Variants in REV3L observed in about 807,000 individuals in gnomAD.
REV3L encodes the protein DNA polymerase zeta catalytic subunit.
A neutral mutation model predicts 299.4 loss-of-function variants in REV3L; 69 were observed. The observed-to-expected ratio is 0.23, with a 90% CI of 0.19 to 0.28. REV3L has a LOEUF of 0.28. Among genes scored for constraint, REV3L ranks in the 10% least tolerant of loss-of-function variants. REV3L has a pLI of 1.00. For synonymous variants in REV3L, 1,238 were observed against 1,271.4 expected (o/e 0.97, Z 0.56); for missense variants, 3,128 against 3,693.8 (o/e 0.85, Z 3.97).
Position 111,311,100 on chromosome 6 carries a change from C to T in REV3L, c.8764G>A (p.Gly2922Arg), listed in dbSNP as rs777691922. Residue 2922 changes from glycine to arginine, a missense_variant, in exon 29 of 32, where the codon GGA becomes AGA. By Grantham distance (125) the Gly-to-Arg change is moderately radical (BLOSUM62 -2). Around this residue, in one of 9 missense-constraint regions of REV3L, gnomAD observed 294 missense variants for 377.0 expected, o/e 0.78. Transcript: ENST00000368802. Reference sequence around the variant, plus strand: ...AGTTCAAGGGCTGGCACACAAGCTCCTGGTTTATAAGAAAAACTTCCTCTG... The same window carrying T: ...AGTTCAAGGGCTGGCACACAAGCTCTTGGTTTATAAGAAAAACTTCCTCTG... ...EYRGSFSYKP[G>R]ACVPALELTR... 1.2e-6 allele frequency: 2 copies of T among 1,613,716 alleles called. No individual in the cohort carries two copies. The highest frequency in any genetic ancestry group is 3.3e-5 in the Admixed American group (2 of 59,932).
At chr6:111,310,859 A>G (rs1049385943) in intron 29 of REV3L, 5 of 418,516 alleles carry the variant, frequency 1.2e-5, no homozygotes, top group Middle Eastern at 5.9e-4. Flanking sequence ...ATTTCTTTGC[A>G]TAAGTTTCTG....
intron 31 of REV3L, among the ~76,000 whole-genome samples, chr6:111,304,721 A>G (rs1325653153): frequency 6.6e-6 from 1 of 151,648 alleles, no homozygotes; most frequent in African/African-American, 2.4e-5. Context: ...CCATGCAGTA[A>G]ATGTAGTATC....
chr6:111,400,409 CG>C (rs1782966036), intron 4 of REV3L, among the ~76,000 whole-genome samples: 1 of 152,124 alleles, frequency 6.6e-6, no homozygotes, highest in Admixed American at 6.6e-5. Context: ...GTTAGTCTTG[CG>C]AATTGTAGTC....
intron 1 of REV3L, among the ~76,000 whole-genome samples, chr6:111,444,475 A>G (rs1788614942): frequency 6.6e-6 from 1 of 152,222 alleles, no homozygotes; most frequent in Non-Finnish European, 1.5e-5. Context: ...AATACACTTA[A>G]CCACAAATGA....
chr6:111,304,492 A>G (rs1470683411), intron 31 of REV3L, among the ~76,000 whole-genome samples: 1 of 152,196 alleles, frequency 6.6e-6, no homozygotes, highest in Non-Finnish European at 1.5e-5. Context: ...TGCTTCATTA[A>G]AAATTTCTAC....
At chr6:111,364,035 T>C in intron 15 of REV3L, 57 bp from the exon 16 acceptor site, 3 of 1,562,506 alleles carry the variant, frequency 1.9e-6, no homozygotes, top group Non-Finnish European at 8.6e-7. Flanking sequence ...GCAATCATTT[T>C]TCTTTTGATT....
At chr6:111,413,081 T>C (rs898527837) in intron 2 of REV3L, among the ~76,000 whole-genome samples, 1 of 152,200 alleles carries the variant, frequency 6.6e-6, no homozygotes, top group Non-Finnish European at 1.5e-5. Context: ...CTGTATACCC[T>C]ATTTTGTTGC....
chr6:111,378,205 T>G (rs996185671), intron 11 of REV3L, among the ~76,000 whole-genome samples: 2 of 152,128 alleles, frequency 1.3e-5, no homozygotes, highest in Admixed American at 1.3e-4. Flanking sequence ...GAGAAAATGC[T>G]GAAGAAGAGA....
At chr6:111,387,462 G>C (rs1382573220) in intron 9 of REV3L, among the ~76,000 whole-genome samples, 1 of 152,096 alleles carries the variant, frequency 6.6e-6, no homozygotes, top group African/African-American at 2.4e-5. Flanking sequence ...AAAGCAAGTT[G>C]CTTCATCTAC....
In REV3L at chr6:111,376,472, G is replaced by C. The variant is rs550280492; in HGVS notation, c.1883C>G (p.Pro628Arg). 6.2e-7 allele frequency: 1 copy of C among 1,613,704 alleles called. No individual in the cohort carries two copies. The highest frequency in any genetic ancestry group is 1.3e-5 in the African/African-American group (1 of 75,024). ...ATGAACAGTACTGCTTAAAGATCCAGGGTATTTCATAGAATAAGTGCTTTC... is the reference window on the plus strand; with the variant it reads ...ATGAACAGTACTGCTTAAAGATCCACGGTATTTCATAGAATAAGTGCTTTC... ...TNESTYSMKYPGSLSSTVHSE... is the reference protein window; with the variant it reads ...TNESTYSMKYRGSLSSTVHSE... Residue 628 changes from proline to arginine, a missense_variant, in exon 13 of 32, where the codon CCT becomes CGT. Physicochemically the swap from Pro to Arg is moderately radical, Grantham distance 103 (BLOSUM62 -2). Around this residue, in one of 9 missense-constraint regions of REV3L, gnomAD observed 2,409 missense variants for 2,611.8 expected, o/e 0.92. Transcript: ENST00000368802.
At chr6:111,305,177 G>A (rs375154233) in intron 31 of REV3L, among the ~76,000 whole-genome samples, 44 of 152,104 alleles carry the variant, frequency 2.9e-4, no homozygotes, top group African/African-American at 9.9e-4. Flanking sequence ...CCGACCTCAC[G>A]TGATCCGCCC....
rs372504405 is a variant in REV3L, at chr6:111,376,252, T to G, written c.2103A>C (p.Thr701=). 1 of 1,613,892 alleles carries G rather than the reference T, an allele frequency of 6.2e-7. No individual in the cohort carries two copies. Among genetic ancestry groups the G allele is most frequent in the Non-Finnish European group, 8.5e-7 (1 of 1,179,928 alleles). ...IHMHRHPNEN[T]LGKNSFNFSD... Reference sequence around the variant, plus strand: ...AAAAGTTGAAAGAATTTTTGCCCAATGTATTCTCGTTAGGGTGACGGTGCA... The same window carrying G: ...AAAAGTTGAAAGAATTTTTGCCCAAGGTATTCTCGTTAGGGTGACGGTGCA... The change falls in exon 13 of 32, where the codon ACA becomes ACC. Residue 701 remains threonine, a synonymous_variant. Transcript: ENST00000368802.
Position 111,361,023 on chromosome 6 carries a change from A to T in REV3L, c.6880-2009T>A, listed in dbSNP as rs538560364. On this transcript the variant is annotated intron_variant, in intron 16 of 31. Transcript: ENST00000368802. The stretch of plus-strand genomic sequence containing the variant: ...CATGCATTAATTTAGTAAATAAAAA[A>T]TTTTTAAATGGAAAACTCCTCCCAC... 5.5e-4 allele frequency among the ~76,000 whole-genome samples: 83 copies of T among 152,230 alleles called. 1 individual carries two copies. The highest frequency in any genetic ancestry group is 2.0e-3 in the African/African-American group (82 of 41,542).
rs562300363 is a variant in REV3L, at chr6:111,328,079, CCT to C, written c.8241+1451_8241+1452del. On this transcript the variant is annotated intron_variant, in intron 25 of 31. Transcript: ENST00000368802. ...CTCACTAGTATATTATTTATATTAC[CCT>C]GTCACACTATATTGTATTTGTATCA... 3.6e-3 allele frequency among the ~76,000 whole-genome samples: 552 copies of C among 152,120 alleles called. 2 individuals are homozygous for C. The highest frequency in any genetic ancestry group is 0.013 in the African/African-American group (529 of 41,496).
At position 111,299,931 on chromosome 6, in the gene REV3L, G is replaced by T; in HGVS notation, c.*85C>A. On this transcript the variant is annotated 3_prime_UTR_variant, in exon 32 of 32. Transcript: ENST00000368802. ...AACAGACAGTGAACATCCTTGACTC[G>T]ATGAAAGTTAAAAAGCACCATGCAC... The T allele has an allele frequency of 7.5e-7, 1 of 1,325,738 alleles. No homozygotes were observed. The highest frequency in any genetic ancestry group is 2.3e-5 in the Admixed American group (1 of 42,562). The allele number at this position is 1,325,738 out of a possible 1,614,324, so 82.1% of individuals were successfully genotyped here. A position where few individuals can be genotyped will look rare whatever the true frequency, so the allele number is the denominator to read the frequency against.
At chr6:111,405,359 C>T (rs1783515714) in intron 4 of REV3L, 111 bp downstream of exon 4, 1 of 648,344 alleles carries the variant, frequency 1.5e-6, no homozygotes, top group Non-Finnish European at 2.3e-6. Flanking sequence ...TCTTTAGTCA[C>T]TCAACATTTA....
intron 4 of REV3L, among the ~76,000 whole-genome samples, chr6:111,400,030 C>T (rs540006143): frequency 1.6e-4 from 25 of 152,254 alleles, no homozygotes; most frequent in Middle Eastern, 3.4e-3. Context: ...GTATCCTTTT[C>T]GGTCTGGCTT....
chr6:111,399,347 A>G (rs976712667), intron 4 of REV3L, among the ~76,000 whole-genome samples: 13 of 152,198 alleles, frequency 8.5e-5, no homozygotes, highest in African/African-American at 3.1e-4. Flanking sequence ...GAGTTTCCAT[A>G]TACCAGACAC....
At chr6:111,352,870 C>A (rs1249032540) in intron 18 of REV3L, among the ~76,000 whole-genome samples, 1 of 152,098 alleles carries the variant, frequency 6.6e-6, no homozygotes, top group Non-Finnish European at 1.5e-5. Context: ...CATGTTGTGA[C>A]CACCATAGAG....
Sources: gnomAD v4.1 joint callset for allele counts (sites outside exome capture counted in the v4.1 genomes callset) on GRCh38, gnomAD v4.1.1 for gene constraint, gnomAD v4.1.1 regional missense constraint, MANE v1.5 for transcripts, NCBI Gene and HGNC (gene_info 2026-07-23, HGNC 2026-07-21) for gene names.